Variants in RIMS1 observed in about 807,000 individuals in gnomAD.
RIMS1 encodes the protein regulating synaptic membrane exocytosis protein 1.
RIMS1 carries 83 observed loss-of-function variants against 214.1 expected under a neutral mutation model. The ratio of observed to expected loss-of-function variants is 0.39; its 90% CI spans 0.32 to 0.47. RIMS1 has a LOEUF of 0.47. RIMS1 is among the 20% of genes least tolerant of loss of function. The pLI, the probability that RIMS1 is intolerant of heterozygous loss-of-function variation, is 0.99. For missense variants in RIMS1, 2,050 were observed against 2,161.8 expected (o/e 0.95, Z 1.03); for synonymous variants, 793 against 786.8 (o/e 1.01, Z -0.13).
chr6:72,355,449 G>A (rs1016941172), intron 29 of RIMS1, among the ~76,000 whole-genome samples: 2 of 151,984 alleles, frequency 1.3e-5, no homozygotes, highest in Non-Finnish European at 2.9e-5. Flanking sequence ...ATATATTTGG[G>A]GTTGTAAAGA....
intron 1 of RIMS1, among the ~76,000 whole-genome samples, chr6:71,938,507 G>A (rs1785118329): frequency 6.6e-6 from 1 of 152,166 alleles, no homozygotes; most frequent in Admixed American, 6.5e-5. Flanking sequence ...TGAAAAATTA[G>A]CACCACATGG....
At chr6:71,953,911 A>C (rs1004687167) in intron 1 of RIMS1, among the ~76,000 whole-genome samples, 2 of 152,194 alleles carry the variant, frequency 1.3e-5, no homozygotes, top group Non-Finnish European at 2.9e-5. Context: ...GAATTAAAGG[A>C]CTGTTGCTTT....
Position 72,100,108 on chromosome 6 carries a change from G to A in RIMS1, c.471+122G>A. ...CACAAGAAATTATATACTAGGAAGA[G>A]CTCATTTCCAGCTCTCATGAAAAAA... On this transcript the variant is annotated intron_variant, in intron 4 of 33. Coordinates refer to ENST00000521978, the MANE Select transcript of RIMS1 (RefSeq NM_014989.7). 5.2e-6 allele frequency: 4 copies of A among 765,770 alleles called. No individual in the cohort carries two copies. The East Asian group carries it at 1.1e-4, about 20-fold the overall frequency. 47.4% of individuals were successfully genotyped at this position (765,770 alleles called of 1,614,324 possible).
At chr6:72,013,002 C>T (rs1171223168) in intron 2 of RIMS1, among the ~76,000 whole-genome samples, 1 of 152,202 alleles carries the variant, frequency 6.6e-6, no homozygotes, top group African/African-American at 2.4e-5. Flanking sequence ...TTATGCCTGT[C>T]TCTATGTCTA....
intron 28 of RIMS1, among the ~76,000 whole-genome samples, chr6:72,332,694 AAAAG>A (rs1272082430): frequency 1.4e-4 from 21 of 151,366 alleles, no homozygotes; most frequent in Non-Finnish European, 2.1e-4. Flanking sequence ...AAAAAAAAAA[AAAAG>A]AATCCTAACA....
At chr6:72,097,539 A>T (rs1206162284) in intron 3 of RIMS1, among the ~76,000 whole-genome samples, 2 of 152,240 alleles carry the variant, frequency 1.3e-5, no homozygotes, top group African/African-American at 4.8e-5. Flanking sequence ...CTGTAACATT[A>T]GTATTCAGAT....
intron 22 of RIMS1, among the ~76,000 whole-genome samples, chr6:72,271,636 T>A (rs533664602): frequency 9.2e-5 from 14 of 152,234 alleles, no homozygotes; most frequent in African/African-American, 2.6e-4. Flanking sequence ...TTAAAGTTTA[T>A]CAATGCCTGG....
chr6:72,068,223 C>T (rs1411504593), intron 2 of RIMS1, among the ~76,000 whole-genome samples: 1 of 152,188 alleles, frequency 6.6e-6, no homozygotes, highest in East Asian at 1.9e-4. Context: ...TACCATGTTC[C>T]ATCTGCCTCA....
intron 2 of RIMS1, among the ~76,000 whole-genome samples, chr6:72,073,143 G>C (rs1830969813): frequency 6.6e-6 from 1 of 152,058 alleles, no homozygotes; most frequent in African/African-American, 2.4e-5. Context: ...CTCCTTTCTT[G>C]AGCAGCATTT....
chr6:72,337,442 A>G (rs2096879853), intron 29 of RIMS1, among the ~76,000 whole-genome samples: 1 of 151,822 alleles, frequency 6.6e-6, no homozygotes, highest in South Asian at 2.1e-4. Flanking sequence ...TTCTAAGTGG[A>G]TAAAAGTAAT....
At chr6:71,912,643 G>A (rs1348975113) in intron 1 of RIMS1, among the ~76,000 whole-genome samples, 4 of 152,092 alleles carry the variant, frequency 2.6e-5, no homozygotes. Flanking sequence ...TAAAGAAGGT[G>A]TTCAAGAGGT....
intron 24 of RIMS1, among the ~76,000 whole-genome samples, chr6:72,289,546 C>T (rs573584416): frequency 2.0e-5 from 3 of 152,200 alleles, no homozygotes; most frequent in Admixed American, 1.3e-4. Context: ...TTATTAAAGA[C>T]CTAAGCTGAA....
chr6:71,901,609 A>G (rs1114040), intron 1 of RIMS1, among the ~76,000 whole-genome samples: 48,541 of 151,918 alleles, frequency 0.32, 7,787 homozygotes, highest in South Asian at 0.42. Context: ...AGGCTCCTCT[A>G]TGGTGGCAAG....
chr6:72,196,221 A>C (rs932585167), intron 6 of RIMS1, among the ~76,000 whole-genome samples: 2 of 152,134 alleles, frequency 1.3e-5, no homozygotes, highest in African/African-American at 4.8e-5. Flanking sequence ...CAATTCAAAA[A>C]TTTGGCTATT....
chr6:72,196,579 A>ATTTTTTTTTTTTTTT (rs1562552453), intron 6 of RIMS1, among the ~76,000 whole-genome samples: 20 of 32,646 alleles, frequency 6.1e-4, no homozygotes, highest in East Asian at 3.2e-3. Flanking sequence ...AGCCAGCTGC[A>ATTTTTTTTTTTTTTT]CTTTTTTTTT....
chr6:72,364,135 T>G (rs1204317025), intron 29 of RIMS1, among the ~76,000 whole-genome samples: 1 of 152,222 alleles, frequency 6.6e-6, no homozygotes, highest in Admixed American at 6.5e-5. Flanking sequence ...TCTATTAAAA[T>G]AACTCTATTC....
intron 6 of RIMS1, among the ~76,000 whole-genome samples, chr6:72,233,522 A>G (rs1329282557): frequency 6.9e-6 from 1 of 145,682 alleles, no homozygotes; most frequent in Non-Finnish European, 1.5e-5. Flanking sequence ...TTTTTTCTGT[A>G]CATTTATATG....
chr6:72,214,389 A>G (rs1377964958), intron 6 of RIMS1, among the ~76,000 whole-genome samples: 1 of 152,072 alleles, frequency 6.6e-6, no homozygotes, highest in Admixed American at 6.5e-5. Context: ...CCCTGTTTGG[A>G]TTTATTAAGT....
At chr6:71,961,322 G>A (rs769111854) in intron 1 of RIMS1, among the ~76,000 whole-genome samples, 7 of 151,806 alleles carry the variant, frequency 4.6e-5, no homozygotes, top group South Asian at 2.1e-4. Flanking sequence ...ACTTTGTTTC[G>A]TCACTAAACT....
Sources: allele counts gnomAD v4.1 joint callset (sites outside exome capture counted in the v4.1 genomes callset), GRCh38; gene constraint gnomAD v4.1.1; transcripts MANE v1.5; gene names NCBI Gene and HGNC (gene_info 2026-07-23, HGNC 2026-07-21).